The following KDM2A variants were observed in gnomAD, a reference collection of about 807,000 sequenced individuals.
The protein encoded by KDM2A is lysine demethylase 2A.
A neutral mutation model predicts 137.3 loss-of-function variants in KDM2A; 3 were observed. The ratio of observed to expected loss-of-function variants is 0.02; its 90% CI spans 0.01 to 0.06. The LOEUF (loss-of-function observed/expected upper bound fraction) is 0.06, where lower values mean the gene tolerates loss of function less well. Ranked by LOEUF, KDM2A falls within the 10% of genes least tolerant of loss-of-function variation. The pLI is 1.00. For missense variants in KDM2A, 738 were observed against 1,510.6 expected, an observed-to-expected ratio of 0.49 and a Z score of 8.48; for synonymous variants, 512 against 541.5, an observed-to-expected ratio of 0.95 and a Z score of 0.76.
intron 2 of KDM2A, among the ~76,000 whole-genome samples, chr11:67,138,673 A>G (rs1255246420): frequency 6.6e-6 from 1 of 152,128 alleles, no homozygotes; most frequent in South Asian, 2.1e-4. Flanking sequence ...CCAACCTACT[A>G]GGGAAGCTGA....
chr11:67,182,458 G>A (rs1857111291), intron 5 of KDM2A, among the ~76,000 whole-genome samples: 1 of 151,950 alleles, frequency 6.6e-6, no homozygotes, highest in African/African-American at 2.4e-5. Context: ...TGCAGACAGT[G>A]GTGTTCATTG....
intron 12 of KDM2A, among the ~76,000 whole-genome samples, chr11:67,232,210 A>G (rs1203344614): frequency 6.6e-6 from 1 of 152,222 alleles, no homozygotes; most frequent in Non-Finnish European, 1.5e-5. Flanking sequence ...CATAGGTTTC[A>G]GGCTGACCCC....
intron 6 of KDM2A, among the ~76,000 whole-genome samples, chr11:67,212,908 C>T (rs893741041): frequency 2.6e-5 from 4 of 152,058 alleles, no homozygotes; most frequent in Admixed American, 2.0e-4. Flanking sequence ...GGACAACACA[C>T]GGGGATGGGA....
At chr11:67,247,889 T>C (rs1859298737) in intron 15 of KDM2A, among the ~76,000 whole-genome samples, 1 of 152,238 alleles carries the variant, frequency 6.6e-6, no homozygotes, top group African/African-American at 2.4e-5. Flanking sequence ...CTGTATGCCA[T>C]ACCTTTGTTA....
chr11:67,168,776 G>A (rs1248810593), intron 2 of KDM2A, among the ~76,000 whole-genome samples: 2 of 152,214 alleles, frequency 1.3e-5, no homozygotes, highest in Non-Finnish European at 2.9e-5. Context: ...AAGCAACAGC[G>A]TTTTAAAGTT....
At chr11:67,252,916 G>T in intron 18 of KDM2A, 59 bp downstream of exon 18, 16 of 1,541,626 alleles carry the variant, frequency 1.0e-5, no homozygotes, top group Non-Finnish European at 1.4e-5. Flanking sequence ...GGCAAGAAAA[G>T]TTGCATTATT....
chr11:67,180,850 C>T (rs966731125), intron 3 of KDM2A, among the ~76,000 whole-genome samples: 2 of 150,712 alleles, frequency 1.3e-5, no homozygotes, highest in Admixed American at 6.6e-5. Flanking sequence ...TTAGTAGAGA[C>T]GGGGTTTCGC....
chr11:67,126,302 T>C lies in KDM2A; in HGVS notation c.42+4944T>C, dbSNP rs566024052. ...TAAAAAAATTGTCTTTTGCCAGTTA[T>C]GGTGACTCACACCTATATTCCCAGC... On this transcript the variant is annotated intron_variant, in intron 2 of 20. Coordinates refer to ENST00000529006, the MANE Select transcript of KDM2A (RefSeq NM_012308.3). 6.7e-5 allele frequency among the ~76,000 whole-genome samples: 10 copies of C among 150,248 alleles called. 1 individual carries two copies. The South Asian group carries it at 2.1e-3, about 32-fold the overall frequency.
At chr11:67,221,646 A>G (rs1010101594) in intron 10 of KDM2A, among the ~76,000 whole-genome samples, 1 of 152,192 alleles carries the variant, frequency 6.6e-6, no homozygotes, top group African/African-American at 2.4e-5. Context: ...ACATTTTATA[A>G]AAGTACATTT....
chr11:67,246,861 T>C (rs2136453032), intron 15 of KDM2A, among the ~76,000 whole-genome samples: 1 of 151,502 alleles, frequency 6.6e-6, no homozygotes, highest in African/African-American at 2.4e-5. Context: ...TACTATATAG[T>C]AGCAAATCTA....
intron 2 of KDM2A, among the ~76,000 whole-genome samples, chr11:67,168,871 A>G (rs866942190): frequency 6.7e-6 from 1 of 149,578 alleles, no homozygotes; most frequent in African/African-American, 2.5e-5. Context: ...TTTAAAATGT[A>G]TTTATTTATT....
chr11:67,251,872 A>C (rs545651165), intron 17 of KDM2A, among the ~76,000 whole-genome samples: 2 of 152,194 alleles, frequency 1.3e-5, no homozygotes, highest in African/African-American at 4.8e-5. Context: ...TCTCCTTAAT[A>C]TTTCTCTGTC....
chr11:67,187,945 A>G (rs553703458), intron 5 of KDM2A, among the ~76,000 whole-genome samples: 25 of 152,254 alleles, frequency 1.6e-4, no homozygotes, highest in Non-Finnish European at 2.9e-4. Flanking sequence ...CTAAAATCCC[A>G]GCACTTTGGG....
rs778834324 is a variant in KDM2A, at chr11:67,251,515, CT to C, written c.2768+722del. Among the ~76,000 whole-genome samples the C allele has an allele frequency of 3.9e-5, 6 of 152,260 alleles. No individual in the cohort carries two copies. The East Asian group carries it at 1.2e-3, about 29-fold the overall frequency. ...GTATATATTTACTCTAGGATATATCCTTTTTATCTGGGTCACACACATCCTA... is the reference window on the plus strand; with the variant it reads ...GTATATATTTACTCTAGGATATATCCTTTTATCTGGGTCACACACATCCTA... On this transcript the variant is annotated intron_variant, in intron 17 of 20. Coordinates refer to ENST00000529006, the MANE Select transcript of KDM2A (RefSeq NM_012308.3).
chr11:67,123,006 C>T (rs1403289760), intron 2 of KDM2A, among the ~76,000 whole-genome samples: 2 of 151,894 alleles, frequency 1.3e-5, no homozygotes, highest in African/African-American at 4.8e-5. Flanking sequence ...CAGGATCTTG[C>T]TCTGCCCAGG....
chr11:67,166,216 ACTCTATC>A (rs1856740240), intron 2 of KDM2A, among the ~76,000 whole-genome samples: 1 of 138,484 alleles, frequency 7.2e-6, no homozygotes, highest in South Asian at 2.2e-4. Flanking sequence ...AGACAGTCTC[ACTCTATC>A]GCCTAGGCTG....
At chr11:67,145,167 C>T (rs559079258) in intron 2 of KDM2A, among the ~76,000 whole-genome samples, 4 of 151,406 alleles carry the variant, frequency 2.6e-5, no homozygotes, top group African/African-American at 9.7e-5. Flanking sequence ...CCACCGTGCC[C>T]GACCATTCAC....
intron 12 of KDM2A, chr11:67,240,343 C>G: frequency 6.5e-7 from 1 of 1,535,444 alleles, no homozygotes; most frequent in Non-Finnish European, 8.7e-7. Flanking sequence ...AGAGCCTCGG[C>G]AGCTCCAGAG....
intron 6 of KDM2A, 129 bp downstream of exon 6, chr11:67,207,817 G>A (rs1857854595): frequency 1.6e-6 from 1 of 623,380 alleles, no homozygotes; most frequent in Non-Finnish European, 2.6e-6. Context: ...TTGAGCTGAG[G>A]AGTTTGAGAG....
Sources: allele counts gnomAD v4.1 joint callset (sites outside exome capture counted in the v4.1 genomes callset), GRCh38; gene constraint gnomAD v4.1.1; transcripts MANE v1.5; gene names NCBI Gene and HGNC (gene_info 2026-07-23, HGNC 2026-07-21).